ZFHX3: variants seen among roughly 807,000 people sequenced by gnomAD.
The protein encoded by ZFHX3 is zinc finger homeobox 3.
In ZFHX3, 42 loss-of-function variants were observed where a neutral mutation model predicts 279.1. The ratio of observed to expected loss-of-function variants is 0.15; its 90% confidence interval spans 0.12 to 0.19. ZFHX3 has a LOEUF of 0.19. ZFHX3 is among the 10% of genes least tolerant of loss of function. ZFHX3 has a pLI of 1.00. For missense variants in ZFHX3, 4,981 were observed against 4,754.0 expected, an observed-to-expected ratio of 1.05 and a Z score of -1.40; for synonymous variants, 2,293 against 1,957.8, an observed-to-expected ratio of 1.17 and a Z score of -4.52.
At chr16:73,029,690 G>A (rs80184196) in intron 1 of ZFHX3, among the ~76,000 whole-genome samples, 2,621 of 152,284 alleles carry the variant, frequency 0.017, 62 homozygotes, top group African/African-American at 0.049. Context: ...TCGCCCAAGT[G>A]GGAATCCCAG....
chr16:73,227,405 A>G (rs888732302), intron 5 of ZFHX3, among the ~76,000 whole-genome samples: 4 of 152,090 alleles, frequency 2.6e-5, no homozygotes, highest in Non-Finnish European at 5.9e-5. Flanking sequence ...AGGAGAGAAA[A>G]TTTTCTGATT....
rs76626353 is a variant in ZFHX3 at position 73,493,462 on chromosome 16, A to G, written c.-1546-37204T>C. Among the ~76,000 whole-genome samples, 1,348 of 152,300 alleles carry G rather than the reference A, an allele frequency of 8.9e-3. 29 individuals are homozygous for G. The highest frequency in any genetic ancestry group is 0.031 in the African/African-American group (1,299 of 41,568). On this transcript the variant is annotated intron_variant, in intron 2 of 17. Transcript: ENST00000641206. ...ACAGAGAAACAGCATTCCTATCCCC[A>G]AGCTGACTGGAGGAAGACAAAAATT...
intron 4 of ZFHX3, among the ~76,000 whole-genome samples, chr16:73,290,326 G>A (rs1036611717): frequency 6.6e-6 from 1 of 152,158 alleles, no homozygotes; most frequent in Non-Finnish European, 1.5e-5. Flanking sequence ...TCATCTGGGA[G>A]GTCAGGAAAG....
chr16:73,733,560 A>G (rs952847094), intron 1 of ZFHX3, among the ~76,000 whole-genome samples: 2 of 152,158 alleles, frequency 1.3e-5, no homozygotes, highest in Non-Finnish European at 2.9e-5. Context: ...AGCTCTATGA[A>G]TTTTCTTTCT....
chr16:73,014,803 T>C (rs369008011), intron 1 of ZFHX3, among the ~76,000 whole-genome samples: 24 of 151,558 alleles, frequency 1.6e-4, no homozygotes, highest in African/African-American at 5.3e-4. Context: ...TGAGCCACCA[T>C]GTCCGGCCTA....
chr16:73,810,471 G>A (rs1960396953), intron 1 of ZFHX3, among the ~76,000 whole-genome samples: 1 of 152,126 alleles, frequency 6.6e-6, no homozygotes. Context: ...TTTTATTTGA[G>A]TTGCATTTGT....
intron 1 of ZFHX3, among the ~76,000 whole-genome samples, chr16:73,847,888 C>A (rs1567429268): frequency 2.0e-5 from 3 of 149,794 alleles, no homozygotes; most frequent in Admixed American, 2.0e-4. Context: ...CGGGCACGTG[C>A]CACTATGCCT....
At chr16:73,200,583 G>A (rs564689052) in intron 5 of ZFHX3, among the ~76,000 whole-genome samples, 18 of 152,248 alleles carry the variant, frequency 1.2e-4, no homozygotes, top group Non-Finnish European at 2.2e-4. Context: ...TGAAAAAACC[G>A]ATAAATGTCA....
chr16:73,483,350 AAAG>A, intron 2 of ZFHX3: 1 of 422,770 alleles, frequency 2.4e-6, no homozygotes, highest in Non-Finnish European at 4.6e-6. Flanking sequence ...AGAGAGAGAG[AAAG>A]AGAGAGAGAG....
At chr16:73,195,699 G>A (rs567126588) in intron 5 of ZFHX3, among the ~76,000 whole-genome samples, 2 of 152,236 alleles carry the variant, frequency 1.3e-5, no homozygotes, top group South Asian at 4.1e-4. Context: ...TTACAGGCGT[G>A]AGCCACCACG....
chr16:73,046,774 G>A (rs1439750451), intron 1 of ZFHX3, among the ~76,000 whole-genome samples: 1 of 152,240 alleles, frequency 6.6e-6, no homozygotes, highest in East Asian at 1.9e-4. Context: ...GGTGCATTCT[G>A]ACAAGCAGGA....
chr16:73,014,033 A>C (rs1255824729), intron 1 of ZFHX3, among the ~76,000 whole-genome samples: 1 of 152,226 alleles, frequency 6.6e-6, no homozygotes, highest in African/African-American at 2.4e-5. Flanking sequence ...TGATGCAATC[A>C]CAGGGGTCCT....
chr16:73,288,406 T>G (rs908587787), intron 4 of ZFHX3, among the ~76,000 whole-genome samples: 3 of 152,116 alleles, frequency 2.0e-5, no homozygotes, highest in African/African-American at 4.8e-5. Context: ...GAGACCTCCT[T>G]GCTGATGGGC....
chr16:73,469,168 C>T (rs2018620738), intron 2 of ZFHX3, among the ~76,000 whole-genome samples: 1 of 152,204 alleles, frequency 6.6e-6, no homozygotes, highest in Non-Finnish European at 1.5e-5. Flanking sequence ...TAATCTGAAC[C>T]TTGGAAAGGA....
Position 72,788,745 on chromosome 16 carries a change from C to T in ZFHX3, c.9531G>A (p.Ser3177=), listed in dbSNP as rs138129897. The change falls in exon 10 of 10, where the codon TCG becomes TCA. Residue 3177 remains serine, a synonymous_variant. Transcript: ENST00000268489. ...SGLPNKPSSA[S]LSSPTPAQAT... ...CTTGTGCTGGGGTTGGGGAGCTCAG[C>T]GACGCTGAGGACGGTTTATTTGGTA... The T allele has an allele frequency of 1.8e-4, 287 of 1,589,940 alleles. 10 individuals are homozygous for T. In the South Asian group the frequency reaches 2.9e-3, roughly 16 times the overall value.
intron 2 of ZFHX3, among the ~76,000 whole-genome samples, chr16:73,678,062 A>G (rs994213604): frequency 3.3e-5 from 5 of 152,176 alleles, no homozygotes; most frequent in African/African-American, 1.2e-4. Context: ...ATTTTGTAAG[A>G]GAAGAACAGA....
At chr16:72,964,289 A>C (rs558121307) in intron 1 of ZFHX3, among the ~76,000 whole-genome samples, 1 of 152,294 alleles carries the variant, frequency 6.6e-6, no homozygotes, top group Admixed American at 6.5e-5. Flanking sequence ...AAAGAGGAAA[A>C]ATTTGGGCAA....
At chr16:73,761,674 A>G (rs561539706) in intron 1 of ZFHX3, among the ~76,000 whole-genome samples, 2 of 152,212 alleles carry the variant, frequency 1.3e-5, no homozygotes, top group Non-Finnish European at 1.5e-5. Flanking sequence ...CTCAGAAATA[A>G]GACTGCACAT....
At chr16:73,386,560 A>G (rs111797325) in intron 3 of ZFHX3, among the ~76,000 whole-genome samples, 2 of 152,140 alleles carry the variant, frequency 1.3e-5, no homozygotes, top group African/African-American at 4.8e-5. Context: ...AGGTGTTTGC[A>G]TTTTCATAGG....
Sources: allele counts gnomAD v4.1 joint callset (sites outside exome capture counted in the v4.1 genomes callset), GRCh38; gene constraint gnomAD v4.1.1; transcripts MANE v1.5; gene names NCBI Gene and HGNC (gene_info 2026-07-23, HGNC 2026-07-21).